The following DAB1 variants were observed in gnomAD, a reference collection of about 807,000 sequenced individuals.
The protein encoded by DAB1 is disabled homolog 1.
A neutral mutation model predicts 64.6 loss-of-function variants in DAB1; 15 were observed. That is an observed-to-expected ratio of 0.23 (90% CI 0.16 to 0.36). The LOEUF (loss-of-function observed/expected upper bound fraction) is 0.36, where lower values mean the gene tolerates loss of function less well. Ranked by LOEUF, DAB1 falls within the 10% of genes least tolerant of loss-of-function variation. The pLI, the probability that DAB1 is intolerant of heterozygous loss-of-function variation, is 1.00. For missense variants in DAB1, 596 were observed against 706.7 expected (o/e 0.84, Z 1.78); for synonymous variants, 235 against 251.9 (o/e 0.93, Z 0.64).
chr1:58,383,384 G>T (rs556015473), intron 3 of DAB1, among the ~76,000 whole-genome samples: 1 of 152,068 alleles, frequency 6.6e-6, no homozygotes, highest in East Asian at 1.9e-4. Context: ...GACTCCTAGC[G>T]GCCCCAAAAC....
intron 2 of DAB1, among the ~76,000 whole-genome samples, chr1:57,263,173 T>C (rs1165484580): frequency 6.6e-6 from 1 of 151,936 alleles, no homozygotes; most frequent in Non-Finnish European, 1.5e-5. Context: ...TGGAGTGCAA[T>C]GGCACAATCT....
intron 3 of DAB1, among the ~76,000 whole-genome samples, chr1:58,373,420 G>C (rs531621867): frequency 1.9e-3 from 286 of 148,794 alleles, no homozygotes; most frequent in South Asian, 3.1e-3. Flanking sequence ...AGAATATGCG[G>C]TGTTTGGTTT....
At chr1:58,387,722 C>CTTTTTTTTT (rs35563837) in intron 3 of DAB1, among the ~76,000 whole-genome samples, 7 of 65,518 alleles carry the variant, frequency 1.1e-4, no homozygotes, top group Non-Finnish European at 2.0e-4. Flanking sequence ...CTTTTCTTTT[C>CTTTTTTTTT]TTTTTTTTTT....
intron 6 of DAB1, among the ~76,000 whole-genome samples, chr1:57,740,830 G>A (rs1647954766): frequency 6.6e-6 from 1 of 152,148 alleles, no homozygotes; most frequent in Admixed American, 6.5e-5. Context: ...CTTTTGTGTG[G>A]ATTTTATGTG....
chr1:57,687,131 A>G (rs1468461356), intron 6 of DAB1, among the ~76,000 whole-genome samples: 1 of 152,244 alleles, frequency 6.6e-6, no homozygotes, highest in African/African-American at 2.4e-5. Flanking sequence ...ATATATTTCT[A>G]TATCTGTAAA....
At position 57,032,012 on chromosome 1, in the gene DAB1, G is replaced by A. The variant is rs138751651; in HGVS notation, c.724-5969C>T. Among the ~76,000 whole-genome samples, 362 of 152,256 alleles carry A rather than the reference G, an allele frequency of 2.4e-3. 3 individuals are homozygous for A. The highest frequency in any genetic ancestry group is 8.4e-3 in the African/African-American group (347 of 41,526). The stretch of plus-strand genomic sequence containing the variant: ...GTCCCCCAGTATCTCCATCAGGCCT[G>A]TTCTCTCCCCAGTCATTCTTTGATA... On this transcript the variant is annotated intron_variant, in intron 9 of 14. Transcript: ENST00000371236.
At position 57,994,689 on chromosome 1, in the gene DAB1, T is replaced by C. The variant is rs78652288; in HGVS notation, n.388-110527A>G. Among the ~76,000 whole-genome samples the C allele has an allele frequency of 2.8e-4, 42 of 152,274 alleles. No individual in the cohort carries two copies. In the East Asian group the frequency reaches 7.9e-3, roughly 29 times the overall value. On this transcript the variant is annotated intron_variant and non_coding_transcript_variant, in intron 5 of 20. Transcript: ENST00000485760. ...CAGGCACATTCAGAGGGCTTCAGGA[T>C]AGCATCCAACACTGGGGGCGGACAG... is the stretch of plus-strand genomic sequence containing the variant.
chr1:57,664,153 G>A (rs114113709), intron 6 of DAB1, among the ~76,000 whole-genome samples: 3 of 152,206 alleles, frequency 2.0e-5, no homozygotes, highest in African/African-American at 7.2e-5. Flanking sequence ...GCAAGGGTTT[G>A]GTACATGTAA....
intron 6 of DAB1, among the ~76,000 whole-genome samples, chr1:57,814,379 A>C (rs1045487597): frequency 6.6e-6 from 1 of 152,206 alleles, no homozygotes; most frequent in African/African-American, 2.4e-5. Context: ...GGGTTTACAT[A>C]TGGGCTCAAG....
intron 4 of DAB1, among the ~76,000 whole-genome samples, chr1:58,208,643 G>C (rs75746351): frequency 0.018 from 2,806 of 152,248 alleles, 39 homozygotes; most frequent in Middle Eastern, 0.048. Context: ...TTATGGCTGA[G>C]TAGTATTCTG....
chr1:57,167,249 T>C (rs370174512), intron 2 of DAB1, among the ~76,000 whole-genome samples: 1 of 152,156 alleles, frequency 6.6e-6, no homozygotes, highest in Non-Finnish European at 1.5e-5. Context: ...AAGACCACTA[T>C]GGAGGGTTGA....
chr1:57,785,606 T>G (rs559045396), intron 6 of DAB1, among the ~76,000 whole-genome samples: 10 of 152,298 alleles, frequency 6.6e-5, no homozygotes, highest in African/African-American at 2.4e-4. Context: ...GTGGTGGAAC[T>G]AGCAAGAGAA....
intron 6 of DAB1, among the ~76,000 whole-genome samples, chr1:57,735,351 C>T (rs909340906): frequency 1.3e-5 from 2 of 152,144 alleles, no homozygotes; most frequent in Non-Finnish European, 2.9e-5. Context: ...CCTGCCCCTG[C>T]CTATCTCACT....
At chr1:57,699,921 A>G (rs1646888404) in intron 6 of DAB1, among the ~76,000 whole-genome samples, 4 of 152,168 alleles carry the variant, frequency 2.6e-5, no homozygotes, top group Admixed American at 2.6e-4. Context: ...CAAAGAAAAA[A>G]AAATTAATAA....
chr1:57,595,484 A>G (rs1021506442), intron 7 of DAB1, among the ~76,000 whole-genome samples: 1 of 151,828 alleles, frequency 6.6e-6, no homozygotes, highest in Non-Finnish European at 1.5e-5. Flanking sequence ...AATCATGTAT[A>G]CTCTCCTTCT....
At chr1:57,755,708 A>G (rs1300420115) in intron 6 of DAB1, among the ~76,000 whole-genome samples, 2 of 152,090 alleles carry the variant, frequency 1.3e-5, no homozygotes, top group Non-Finnish European at 2.9e-5. Flanking sequence ...TTAGGTTTGG[A>G]TTTGGTGCTT....
At chr1:58,265,954 A>G (rs1661148983) in intron 4 of DAB1, among the ~76,000 whole-genome samples, 1 of 152,130 alleles carries the variant, frequency 6.6e-6, no homozygotes, top group Admixed American at 6.5e-5. Context: ...CCAAATACTA[A>G]GTTTGACACT....
intron 14 of DAB1, among the ~76,000 whole-genome samples, chr1:57,005,129 C>G (rs1171521893): frequency 6.6e-6 from 1 of 152,120 alleles, no homozygotes; most frequent in Non-Finnish European, 1.5e-5. Flanking sequence ...TTCCTGGGGT[C>G]TTGGGTGCTG....
At chr1:57,559,202 A>G (rs1279565643) in intron 7 of DAB1, among the ~76,000 whole-genome samples, 2 of 152,206 alleles carry the variant, frequency 1.3e-5, no homozygotes, top group African/African-American at 2.4e-5. Flanking sequence ...GTGTTCCTAG[A>G]AGTGAAATTG....
Sources: gnomAD v4.1 joint callset for allele counts (sites outside exome capture counted in the v4.1 genomes callset) on GRCh38, gnomAD v4.1.1 for gene constraint, MANE v1.5 for transcripts, NCBI Gene and HGNC (gene_info 2026-07-23, HGNC 2026-07-21) for gene names.